Variants in NBAS observed in about 807,000 individuals in gnomAD.
The protein encoded by NBAS is NAG/BC035112 fusion.
A neutral mutation model predicts 302.5 loss-of-function variants in NBAS; 219 were observed. The observed-to-expected ratio is 0.72, with a 90% CI of 0.65 to 0.81. The LOEUF is 0.81. NBAS is among the 30% of genes least tolerant of loss of function. The probability of loss-of-function intolerance (pLI) is 0.00; values close to 1 mark genes in which losing one functional copy is unlikely to be tolerated. For missense variants in NBAS, 2,932 were observed against 2,841.6 expected, an observed-to-expected ratio of 1.03 and a Z score of -0.72; for synonymous variants, 1,118 against 1,021.6, an observed-to-expected ratio of 1.09 and a Z score of -1.80.
rs1672163518 is a variant in NBAS, at chr2:15,328,192, T to C, written c.4461+7A>G. On this transcript the variant is annotated splice_region_variant and intron_variant, in intron 37 of 51. Transcript: ENST00000281513. The stretch of plus-strand genomic sequence containing the variant: ...TAAATCTATCTTCCTAGACACGCTG[T>C]CCTTACCTCAGCGACAAAAGGATTT... The C allele has an allele frequency of 6.2e-7, 1 of 1,608,728 alleles. No individual in the cohort carries two copies. The highest frequency in any genetic ancestry group is 1.7e-5 in the Admixed American group (1 of 59,972).
At chr2:15,069,739 T>C in the NBAS span, among the ~76,000 whole-genome samples, 7 of 152,252 alleles carry the variant, frequency 4.6e-5, no homozygotes, top group African/African-American at 1.4e-4. Context: ...ATTTTTTCTC[T>C]GTGACAGCAT....
the NBAS span, among the ~76,000 whole-genome samples, chr2:15,053,910 A>T: frequency 6.6e-6 from 1 of 150,632 alleles, no homozygotes; most frequent in African/African-American, 2.5e-5. Context: ...AATCCTAGCA[A>T]CAAAAGAGGC....
chr2:14,858,406 C>T, the NBAS span, among the ~76,000 whole-genome samples: 1 of 152,028 alleles, frequency 6.6e-6, no homozygotes, highest in African/African-American at 2.4e-5. Context: ...TTGGAAGCAA[C>T]CTAAGTGTCC....
At chr2:14,983,434 C>G in the NBAS span, among the ~76,000 whole-genome samples, 1 of 151,902 alleles carries the variant, frequency 6.6e-6, no homozygotes, top group Non-Finnish European at 1.5e-5. Context: ...GATGCAATTT[C>G]TTTATTTCTA....
intron 51 of NBAS, among the ~76,000 whole-genome samples, chr2:15,167,910 C>G (rs767373163): frequency 6.6e-6 from 1 of 152,196 alleles, no homozygotes; most frequent in Non-Finnish European, 1.5e-5. Context: ...GTATGTCCCT[C>G]AAGCCCACTG....
chr2:15,151,137 A>T, the NBAS span, among the ~76,000 whole-genome samples: 1 of 152,206 alleles, frequency 6.6e-6, no homozygotes, highest in Non-Finnish European at 1.5e-5. Context: ...TTCCACAGGG[A>T]ATTCTCTGTT....
chr2:15,315,347 G>T (rs138155312), intron 38 of NBAS, among the ~76,000 whole-genome samples: 2 of 152,160 alleles, frequency 1.3e-5, no homozygotes, highest in Non-Finnish European at 2.9e-5. Context: ...AGGAGTGTAC[G>T]GGAGTGAACG....
chr2:15,210,177 G>A (rs1322351642), intron 48 of NBAS, among the ~76,000 whole-genome samples: 2 of 152,072 alleles, frequency 1.3e-5, no homozygotes, highest in African/African-American at 4.8e-5. Flanking sequence ...AATCAACAAA[G>A]TGAAGAGACA....
the NBAS span, among the ~76,000 whole-genome samples, chr2:14,838,174 T>C: frequency 3.9e-5 from 6 of 151,952 alleles, no homozygotes; most frequent in Admixed American, 3.9e-4. Flanking sequence ...ATTTTTTTGC[T>C]CCTATCTGTT....
chr2:15,242,631 AT>A (rs1667916830), intron 44 of NBAS, among the ~76,000 whole-genome samples: 1 of 151,804 alleles, frequency 6.6e-6, no homozygotes, highest in African/African-American at 2.4e-5. Flanking sequence ...TTAAAAAAAA[AT>A]GTACCAGAGT....
At position 15,426,435 on chromosome 2, in the gene NBAS, A is replaced by T. The variant is rs1677481786; in HGVS notation, c.2423+1276T>A. Among the ~76,000 whole-genome samples the T allele has an allele frequency of 2.6e-5, 4 of 152,190 alleles. No individual in the cohort carries two copies. The South Asian group carries it at 8.3e-4, about 32-fold the overall frequency. On this transcript the variant is annotated intron_variant, in intron 22 of 51. Transcript: ENST00000281513. ...TTTCCTCCCCTCTATTACCCATGGCATCTCTTTCATCTATAACTTGAATAT... is the reference window on the plus strand; with the variant it reads ...TTTCCTCCCCTCTATTACCCATGGCTTCTCTTTCATCTATAACTTGAATAT...
chr2:14,973,285 G>A, the NBAS span, among the ~76,000 whole-genome samples: 2 of 152,186 alleles, frequency 1.3e-5, no homozygotes, highest in Non-Finnish European at 2.9e-5. Context: ...AAACCCTGCT[G>A]TATCAGATAG....
intron 19 of NBAS, among the ~76,000 whole-genome samples, chr2:15,466,078 T>C (rs1289331416): frequency 6.6e-6 from 1 of 152,210 alleles, no homozygotes; most frequent in Non-Finnish European, 1.5e-5. Context: ...TTTGTAATGA[T>C]AAATGGTAAT....
chr2:15,444,627 T>C (rs2148522785), intron 21 of NBAS, among the ~76,000 whole-genome samples: 1 of 152,158 alleles, frequency 6.6e-6, no homozygotes, highest in Middle Eastern at 3.4e-3. Context: ...CCAAAAGCAA[T>C]GGCAACAAAA....
intron 21 of NBAS, among the ~76,000 whole-genome samples, chr2:15,440,622 G>A (rs981198975): frequency 3.5e-4 from 54 of 152,226 alleles, no homozygotes; most frequent in African/African-American, 5.3e-4. Context: ...CCAAAGGAAC[G>A]CAGTTCCTCA....
chr2:15,195,396 T>C (rs1259129837), intron 48 of NBAS, among the ~76,000 whole-genome samples: 2 of 152,200 alleles, frequency 1.3e-5, no homozygotes, highest in African/African-American at 4.8e-5. Flanking sequence ...TGATTCCATT[T>C]ATGTAATATT....
At chr2:15,383,155 T>C (rs1675122136) in intron 29 of NBAS, 60 bp downstream of exon 29, 1 of 1,394,914 alleles carries the variant, frequency 7.2e-7, no homozygotes, top group Admixed American at 1.7e-5. Flanking sequence ...TTGTATCCAA[T>C]AAACCATAAC....
intron 21 of NBAS, among the ~76,000 whole-genome samples, chr2:15,445,658 T>TA (rs1032854091): frequency 2.0e-5 from 3 of 149,800 alleles, no homozygotes; most frequent in Non-Finnish European, 3.0e-5. Flanking sequence ...AGTATAATAA[T>TA]AAAAAAAAAT....
At chr2:14,918,053 G>A in the NBAS span, among the ~76,000 whole-genome samples, 12 of 152,224 alleles carry the variant, frequency 7.9e-5, no homozygotes, top group Non-Finnish European at 1.0e-4. Flanking sequence ...TGAGAAGGAC[G>A]GGTGCTCCAG....
Sources: allele counts gnomAD v4.1 joint callset (sites outside exome capture counted in the v4.1 genomes callset), GRCh38; gene constraint gnomAD v4.1.1; transcripts MANE v1.5; gene names NCBI Gene and HGNC (gene_info 2026-07-23, HGNC 2026-07-21).